RNF212B: variants seen among roughly 807,000 people sequenced by gnomAD.
RNF212B encodes the protein E3 ubiquitin-protein ligase RNF212B.
A neutral mutation model predicts 55.5 loss-of-function variants in RNF212B; 52 were observed. The ratio of observed to expected loss-of-function variants is 0.94; its 90% confidence interval spans 0.75 to 1.18. The LOEUF (loss-of-function observed/expected upper bound fraction) is 1.18. Among genes scored for constraint, RNF212B ranks in the 50% most tolerant of loss-of-function variants. The pLI is 0.00. For synonymous variants in RNF212B, 99 were observed against 121.4 expected, an observed-to-expected ratio of 0.82 and a Z score of 1.21; for missense variants, 289 against 350.4, an observed-to-expected ratio of 0.82 and a Z score of 1.40.
intron 4 of RNF212B, among the ~76,000 whole-genome samples, chr14:23,253,434 A>C (rs1884562009): frequency 6.6e-6 from 1 of 152,036 alleles, no homozygotes; most frequent in Non-Finnish European, 1.5e-5. Flanking sequence ...GATTTTGTTT[A>C]TTGTACCTAT....
At chr14:23,248,583 G>C (rs954030648) in intron 4 of RNF212B, among the ~76,000 whole-genome samples, 3 of 150,258 alleles carry the variant, frequency 2.0e-5, no homozygotes, top group South Asian at 2.2e-4. Flanking sequence ...CTGGGATTAC[G>C]GGCATGCGCC....
At chr14:23,232,912 C>G (rs1405362454) in intron 2 of RNF212B, among the ~76,000 whole-genome samples, 1 of 151,706 alleles carries the variant, frequency 6.6e-6, no homozygotes, top group Non-Finnish European at 1.5e-5. Context: ...GAGGTGTACC[C>G]AACAGCTCAT....
upstream of RNF212B, among the ~76,000 whole-genome samples, chr14:23,233,142 C>G (rs535966208): frequency 1.1e-4 from 16 of 152,256 alleles, no homozygotes; most frequent in South Asian, 8.3e-4. Context: ...TGTGCTGTGT[C>G]CACTCGGGGT....
chr14:23,270,544 A>G, intron 13 of RNF212B, 56 bp from the exon 14 acceptor site: 1 of 1,265,052 alleles, frequency 7.9e-7, no homozygotes, highest in Non-Finnish European at 1.1e-6. Context: ...CACAAGTAAC[A>G]CTGCCGAGAA....
chr14:23,242,138 T>C (rs967821032), intron 2 of RNF212B, among the ~76,000 whole-genome samples: 1 of 118,518 alleles, frequency 8.4e-6, no homozygotes, highest in African/African-American at 2.8e-5. Flanking sequence ...AAACCTTTAG[T>C]CCCCAGAGAA....
chr14:23,193,040 C>T (rs1403686415), intron 1 of RNF212B, among the ~76,000 whole-genome samples: 6 of 141,046 alleles, frequency 4.3e-5, no homozygotes, highest in Non-Finnish European at 6.0e-5. Context: ...TGCTGTGAGA[C>T]GAGATCACGC....
rs918082777 is a variant in RNF212B at position 23,259,844 on chromosome 14, C to T, written c.345-40C>T. 50 of 1,217,284 alleles carry T rather than the reference C, an allele frequency of 4.1e-5. 1 individual carries two copies. In the Admixed American group the frequency reaches 6.7e-4, roughly 16 times the overall value. 75.4% of individuals were successfully genotyped at this position (1,217,284 alleles called of 1,614,324 possible). ...ATAATAAAAAATCAGGTTTTTAATC[C>T]CTGATTTGCTGGAGCTGATTGTTTC... On this transcript the variant is annotated intron_variant, in intron 5 of 14. Transcript: ENST00000430154.
intron 3 of RNF212B, 109 bp downstream of exon 3, chr14:23,243,417 C>T (rs566825657): frequency 1.3e-5 from 14 of 1,055,588 alleles, no homozygotes; most frequent in Middle Eastern, 2.1e-4. Context: ...AAAAGAAGAC[C>T]GGGCGTGGTG....
chr14:23,264,378 G>A, intron 10 of RNF212B, 144 bp downstream of exon 10: 4 of 745,404 alleles, frequency 5.4e-6, no homozygotes, highest in South Asian at 1.9e-5. Context: ...TGGCAATGGA[G>A]ACCTGATATT....
chr14:23,197,115 G>A (rs1332310564), intron 2 of RNF212B, among the ~76,000 whole-genome samples: 1 of 152,146 alleles, frequency 6.6e-6, no homozygotes, highest in Admixed American at 6.5e-5. Flanking sequence ...AACACTTGGT[G>A]GACAGTTGGA....
At chr14:23,234,260 A>AT (rs532964170), upstream of RNF212B, among the ~76,000 whole-genome samples, 347 of 150,766 alleles carry the variant, frequency 2.3e-3, 1 homozygote, top group Middle Eastern at 6.8e-3. Context: ...ATTTAAGTTG[A>AT]TTTTTTTTGT....
intron 2 of RNF212B, among the ~76,000 whole-genome samples, chr14:23,211,398 T>A (rs1409614688): frequency 2.6e-5 from 4 of 152,268 alleles, no homozygotes; most frequent in African/African-American, 7.2e-5. Flanking sequence ...ACTCCAGGCT[T>A]AGATGGCTTC....
At chr14:23,192,812 C>A (rs1017158487) in intron 1 of RNF212B, among the ~76,000 whole-genome samples, 1 of 152,066 alleles carries the variant, frequency 6.6e-6, no homozygotes, top group East Asian at 1.9e-4. Context: ...AGCTTTATGG[C>A]CAGGTGCGGT....
At chr14:23,218,195 C>T (rs1484672452) in intron 2 of RNF212B, among the ~76,000 whole-genome samples, 2 of 147,788 alleles carry the variant, frequency 1.4e-5, no homozygotes, top group Admixed American at 1.3e-4. Flanking sequence ...GGTGAAACCC[C>T]GTCTCTACTA....
At chr14:23,238,705 C>G (rs912700480) in intron 1 of RNF212B, among the ~76,000 whole-genome samples, 1 of 150,604 alleles carries the variant, frequency 6.6e-6, no homozygotes, top group African/African-American at 2.4e-5. Flanking sequence ...CCACTGCACT[C>G]CAACCTGGAG....
chr14:23,217,230 C>CCAGTGGTGG (rs199665900), intron 2 of RNF212B, among the ~76,000 whole-genome samples: 1 of 107,626 alleles, frequency 9.3e-6, no homozygotes, highest in Non-Finnish European at 2.0e-5. Context: ...CCACCATAGA[C>CCAGTGGTGG]CAGTGGTGGC....
chr14:23,256,793 C>A (rs1157322517), intron 4 of RNF212B, among the ~76,000 whole-genome samples: 2 of 152,212 alleles, frequency 1.3e-5, no homozygotes, highest in African/African-American at 2.4e-5. Context: ...TTCAAGCAAT[C>A]CACCCACTTC....
intron 2 of RNF212B, among the ~76,000 whole-genome samples, chr14:23,202,568 T>C (rs1375079968): frequency 1.3e-5 from 2 of 151,856 alleles, no homozygotes; most frequent in Non-Finnish European, 2.9e-5. Context: ...TGTCAGTGTT[T>C]AGGCTGGGCG....
chr14:23,219,156 A>G (rs1296719580), intron 2 of RNF212B, among the ~76,000 whole-genome samples: 1 of 152,240 alleles, frequency 6.6e-6, no homozygotes, highest in Non-Finnish European at 1.5e-5. Context: ...GAGGGATTTC[A>G]TTAACACCAG....
Sources: allele counts gnomAD v4.1 joint callset (sites outside exome capture counted in the v4.1 genomes callset), GRCh38; gene constraint gnomAD v4.1.1; transcripts MANE v1.5; gene names NCBI Gene and HGNC (gene_info 2026-07-23, HGNC 2026-07-21).